Variants in NCR1 observed in about 807,000 individuals in gnomAD.
The protein encoded by NCR1 is NK cell-activating receptor.
In NCR1, 30 loss-of-function variants were observed where a neutral mutation model predicts 32.5. The observed-to-expected ratio is 0.92, with a 90% CI of 0.69 to 1.25. The LOEUF (loss-of-function observed/expected upper bound fraction) is 1.25, where lower values mean the gene tolerates loss of function less well. Ranked by LOEUF, NCR1 falls within the 50% of genes most tolerant of loss-of-function variation. The pLI, the probability that NCR1 is intolerant of heterozygous loss-of-function variation, is 0.00. For synonymous variants in NCR1, 169 were observed against 143.4 expected (o/e 1.18, Z -1.28); for missense variants, 369 against 380.7 (o/e 0.97, Z 0.26).
At chr19:54,921,110 C>A (rs555425776), downstream of NCR1, among the ~76,000 whole-genome samples, 1 of 152,322 alleles carries the variant, frequency 6.6e-6, no homozygotes, top group African/African-American at 2.4e-5. Flanking sequence ...TCACTCCCAG[C>A]CTCTACCTAC....
chr19:54,934,493 A>T, the NCR1 span: 5 of 1,614,014 alleles, frequency 3.1e-6, no homozygotes, highest in Admixed American at 6.7e-5. The surrounding 1 kb of genome is among the most constrained non-coding windows in gnomAD (Gnocchi z 6.7). Context: ...ACTTACGACA[A>T]CATCTGCAGG....
At chr19:54,903,535 T>G (rs1384025381), upstream of NCR1, among the ~76,000 whole-genome samples, 4 of 146,984 alleles carry the variant, frequency 2.7e-5, no homozygotes, top group Non-Finnish European at 4.5e-5. Flanking sequence ...TACATATATA[T>G]GCATGTATGC....
chr19:54,928,958 T>C, the NCR1 span, among the ~76,000 whole-genome samples: 1 of 152,014 alleles, frequency 6.6e-6, no homozygotes, highest in Non-Finnish European at 1.5e-5. Context: ...ATAGCTGAGA[T>C]TACAGGAACA....
At chr19:54,913,852 G>A (rs1362943420), downstream of NCR1, among the ~76,000 whole-genome samples, 4 of 152,128 alleles carry the variant, frequency 2.6e-5, no homozygotes, top group Non-Finnish European at 5.9e-5. Flanking sequence ...AGGATCACCT[G>A]AGGTCAGGAG....
At chr19:54,916,700 C>CTCT (rs1378103452), downstream of NCR1, among the ~76,000 whole-genome samples, 1 of 106,490 alleles carries the variant, frequency 9.4e-6, no homozygotes, top group African/African-American at 3.7e-5. Context: ...ATCAACTGTT[C>CTCT]TATTTTTTTT....
upstream of NCR1, among the ~76,000 whole-genome samples, chr19:54,904,414 G>C (rs1385723490): frequency 6.6e-6 from 1 of 151,754 alleles, no homozygotes; most frequent in Non-Finnish European, 1.5e-5. Context: ...TGATGCTGAG[G>C]CTTGCATTAA....
downstream of NCR1, among the ~76,000 whole-genome samples, chr19:54,913,936 C>T (rs569405860): frequency 2.0e-5 from 3 of 151,894 alleles, no homozygotes; most frequent in Non-Finnish European, 2.9e-5. Context: ...GGTATGGTGG[C>T]GTGTGCTTGT....
At chr19:54,924,002 C>T in the NCR1 span, 1 of 994,240 alleles carries the variant, frequency 1.0e-6, no homozygotes, top group Non-Finnish European at 1.5e-6. Context: ...GGGTCTTGCT[C>T]TGTTGCCCAG....
chr19:54,902,073 G>T (rs913907218), upstream of NCR1, among the ~76,000 whole-genome samples: 4 of 152,296 alleles, frequency 2.6e-5, no homozygotes, highest in African/African-American at 9.6e-5. Context: ...GAATAAAGTG[G>T]ATAGATCAGA....
chr19:54,910,102 C>G lies in NCR1; in HGVS notation c.682+37C>G, dbSNP rs1385567959. On this transcript the variant is annotated intron_variant, in intron 5 of 6. Coordinates refer to ENST00000291890, the MANE Select transcript of NCR1 (RefSeq NM_004829.7). ...GTCCTTCTAAGCTCAGACGAGCGAT[C>G]AGAGCCTCCCAGTGACACTAAAAAC... is the stretch of plus-strand genomic sequence containing the variant. 3.1e-6 allele frequency: 5 copies of G among 1,589,186 alleles called. No individual in the cohort carries two copies. The African/African-American group carries it at 6.7e-5, about 21-fold the overall frequency.
the NCR1 span, among the ~76,000 whole-genome samples, chr19:54,900,437 G>A: frequency 6.4e-4 from 98 of 152,254 alleles, no homozygotes; most frequent in Non-Finnish European, 3.7e-4. Flanking sequence ...GCCAGGAGAA[G>A]GAATTTCATA....
downstream of NCR1, among the ~76,000 whole-genome samples, chr19:54,915,264 C>A (rs2068110208): frequency 6.6e-6 from 1 of 152,080 alleles, no homozygotes; most frequent in African/African-American, 2.4e-5. Flanking sequence ...GTGGCACAGC[C>A]TGCAACTTGA....
At chr19:54,908,780 C>T (rs1264831945) in intron 3 of NCR1, among the ~76,000 whole-genome samples, 1 of 151,320 alleles carries the variant, frequency 6.6e-6, no homozygotes, top group East Asian at 2.0e-4. Context: ...CAGGCATGTG[C>T]CACCACACCC....
At chr19:54,926,714 G>A in the NCR1 span, among the ~76,000 whole-genome samples, 25,954 of 151,520 alleles carry the variant, frequency 0.17, 2,815 homozygotes, top group Non-Finnish European at 0.25. Flanking sequence ...TCAGGAGCTC[G>A]AGACCAGCCT....
At chr19:54,938,122 T>C in the NCR1 span, 3 of 1,613,950 alleles carry the variant, frequency 1.9e-6, no homozygotes, top group Non-Finnish European at 2.5e-6. Context: ...CAGGAAGCTT[T>C]GTTTCACTTC....
At chr19:54,906,949 C>G in intron 3 of NCR1, 142 bp downstream of exon 3, 2 of 988,542 alleles carry the variant, frequency 2.0e-6, no homozygotes, top group Admixed American at 2.5e-5. Flanking sequence ...CATCACAATC[C>G]TTGCCTACAA....
intron 3 of NCR1, among the ~76,000 whole-genome samples, chr19:54,908,242 C>T (rs587663372): frequency 7.2e-5 from 11 of 152,172 alleles, no homozygotes; most frequent in East Asian, 5.8e-4. Flanking sequence ...CATCTTGCAC[C>T]GCCCTTAATC....
the NCR1 span, among the ~76,000 whole-genome samples, chr19:54,924,896 C>T: frequency 6.6e-6 from 1 of 152,156 alleles, no homozygotes; most frequent in African/African-American, 2.4e-5. Flanking sequence ...AATACCGCAC[C>T]ACTGTACTGC....
At chr19:54,927,865 G>A in the NCR1 span, 1 of 1,165,540 alleles carries the variant, frequency 8.6e-7, no homozygotes, top group Non-Finnish European at 1.3e-6. Flanking sequence ...GCCAAGGCGG[G>A]TGGATCACTT....
Sources: gnomAD v4.1 joint callset for allele counts (sites outside exome capture counted in the v4.1 genomes callset) on GRCh38, gnomAD v4.1.1 for gene constraint, Gnocchi (gnomAD v3.1) non-coding constraint, MANE v1.5 for transcripts, NCBI Gene and HGNC (gene_info 2026-07-23, HGNC 2026-07-21) for gene names.